Variants in ASTN2 observed in about 807,000 individuals in gnomAD.
ASTN2 encodes astrotactin-2.
ASTN2 carries 54 observed loss-of-function variants against 139.8 expected under a neutral mutation model. That is an observed-to-expected ratio of 0.39 (90% CI 0.31 to 0.48). The LOEUF is 0.48. Among genes scored for constraint, ASTN2 ranks in the 20% least tolerant of loss-of-function variants. The pLI, the probability that ASTN2 is intolerant of heterozygous loss-of-function variation, is 0.95. For synonymous variants in ASTN2, 756 were observed against 719.5 expected (o/e 1.05, Z -0.81); for missense variants, 1,565 against 1,725.1 (o/e 0.91, Z 1.64).
At chr9:116,507,991 C>A (rs1045360223) in intron 19 of ASTN2, among the ~76,000 whole-genome samples, 1 of 152,122 alleles carries the variant, frequency 6.6e-6, no homozygotes, top group Non-Finnish European at 1.5e-5. Flanking sequence ...TGGGTTCAGG[C>A]GGTTCTCCTG....
At chr9:117,018,974 C>G (rs1405318309) in intron 6 of ASTN2, among the ~76,000 whole-genome samples, 1 of 152,102 alleles carries the variant, frequency 6.6e-6, no homozygotes. Flanking sequence ...ATGCAGGCTA[C>G]CTGACTCTGA....
chr9:116,729,205 C>T (rs1186885656), intron 14 of ASTN2, 109 bp from the exon 15 acceptor site: 2 of 797,428 alleles, frequency 2.5e-6, no homozygotes, highest in South Asian at 1.8e-5. Context: ...CTTTGAAGTA[C>T]AACTTTCACT....
chr9:116,708,141 G>A (rs1422813503), intron 16 of ASTN2, among the ~76,000 whole-genome samples: 3 of 152,090 alleles, frequency 2.0e-5, no homozygotes, highest in Non-Finnish European at 4.4e-5. Flanking sequence ...AGTCTTTGAG[G>A]TTTGAAACCC....
intron 10 of ASTN2, among the ~76,000 whole-genome samples, chr9:116,884,122 T>C (rs529012586): frequency 6.6e-6 from 1 of 152,156 alleles, no homozygotes; most frequent in Admixed American, 6.5e-5. Context: ...AGTTCATCGT[T>C]AATAGAGATG....
Position 117,023,805 on chromosome 9 carries a change from T to C in ASTN2, c.1424-15546A>G, listed in dbSNP as rs377332425. On this transcript the variant is annotated intron_variant, in intron 6 of 22. Transcript: ENST00000313400. ...ATTTTCATAAGGATCTAATATTATA[T>C]GGATTTGCATTCTAGTGGTGAGGTT... Among the ~76,000 whole-genome samples the C allele has an allele frequency of 3.6e-4, 55 of 152,302 alleles. 1 individual carries two copies. The South Asian group carries it at 8.5e-3, about 24-fold the overall frequency.
Position 117,338,829 on chromosome 9 carries a change from C to T in ASTN2, c.443-47316G>A, listed in dbSNP as rs537559477. ...CCAACCTAATATCTTAACTTTCAGG[C>T]CTGGTCATCAAAACTCAACAGCACA... On this transcript the variant is annotated intron_variant, in intron 1 of 22. Transcript: ENST00000313400. Among the ~76,000 whole-genome samples the T allele has an allele frequency of 2.0e-5, 3 of 152,062 alleles. No individual in the cohort carries two copies. The East Asian group carries it at 5.8e-4, about 29-fold the overall frequency.
intron 19 of ASTN2, among the ~76,000 whole-genome samples, chr9:116,503,617 C>A (rs1453565468): frequency 2.0e-5 from 3 of 152,112 alleles, no homozygotes. Context: ...TCATACCTAA[C>A]CCTATGAGTT....
intron 5 of ASTN2, among the ~76,000 whole-genome samples, chr9:117,079,829 T>C (rs1828378668): frequency 6.6e-6 from 1 of 152,274 alleles, no homozygotes; most frequent in Non-Finnish European, 1.5e-5. Flanking sequence ...AGTCTCCTCC[T>C]GTATAAGTTA....
chr9:117,011,309 T>C (rs944517593), intron 6 of ASTN2, among the ~76,000 whole-genome samples: 2 of 152,022 alleles, frequency 1.3e-5, no homozygotes, highest in Admixed American at 1.3e-4. Context: ...GGAAGTGGAG[T>C]CTTTGGGAGG....
intron 10 of ASTN2, among the ~76,000 whole-genome samples, chr9:116,908,619 A>G (rs1459875125): frequency 6.6e-6 from 1 of 152,180 alleles, no homozygotes; most frequent in Admixed American, 6.5e-5. Flanking sequence ...TCCAGAAGGA[A>G]GACAAAATCA....
At chr9:116,914,681 A>C (rs1834397123) in intron 10 of ASTN2, among the ~76,000 whole-genome samples, 1 of 151,716 alleles carries the variant, frequency 6.6e-6, no homozygotes, top group Admixed American at 6.6e-5. Flanking sequence ...AGAGGATAGG[A>C]ATTTATGCCA....
chr9:116,565,388 C>CT (rs1564120372), intron 19 of ASTN2, among the ~76,000 whole-genome samples: 377 of 33,766 alleles, frequency 0.011, 8 homozygotes, highest in Admixed American at 0.016. Flanking sequence ...TCTCTCTCTC[C>CT]ATATATATAT....
chr9:117,059,639 C>G (rs1039093251), intron 5 of ASTN2, among the ~76,000 whole-genome samples: 1 of 151,886 alleles, frequency 6.6e-6, no homozygotes, highest in African/African-American at 2.4e-5. Context: ...AAAAAACAAA[C>G]AAACAAAAAC....
chr9:117,212,658 A>G (rs911367533), intron 3 of ASTN2, among the ~76,000 whole-genome samples: 16 of 152,224 alleles, frequency 1.1e-4, no homozygotes, highest in African/African-American at 3.4e-4. Flanking sequence ...CAAAAGACAT[A>G]CAAGTGACCA....
In ASTN2 at chr9:116,507,764, C is replaced by A. The variant is rs564121242; in HGVS notation, c.3356-20264G>T. On this transcript the variant is annotated intron_variant, in intron 19 of 22. Transcript: ENST00000313400. Reference sequence around the variant, plus strand: ...CTTTCTGTCCTTCTGCAAACTCGATCCTCAGGTCCCCATTTCATGTTCACA... The same window carrying A: ...CTTTCTGTCCTTCTGCAAACTCGATACTCAGGTCCCCATTTCATGTTCACA... Among the ~76,000 whole-genome samples the A allele has an allele frequency of 2.0e-5, 3 of 152,312 alleles. No homozygotes were observed. In the South Asian group the frequency reaches 6.2e-4, roughly 32 times the overall value.
chr9:117,016,639 T>C (rs1467121443), intron 6 of ASTN2, among the ~76,000 whole-genome samples: 2 of 21,930 alleles, frequency 9.1e-5, no homozygotes, highest in Admixed American at 7.0e-4. Context: ...TATATATATA[T>C]ATATATATAT....
At chr9:117,001,418 A>C (rs1040353394) in intron 7 of ASTN2, among the ~76,000 whole-genome samples, 2 of 152,148 alleles carry the variant, frequency 1.3e-5, no homozygotes, top group Admixed American at 6.5e-5. Context: ...AGGGAGTTAG[A>C]TGCTCTCCAA....
chr9:117,149,267 C>T (rs555123015), intron 3 of ASTN2, among the ~76,000 whole-genome samples: 1 of 152,272 alleles, frequency 6.6e-6, no homozygotes, highest in South Asian at 2.1e-4. Flanking sequence ...ATCCACCTGC[C>T]TCAGCCTCTC....
At chr9:117,040,685 C>T (rs1838537957) in intron 5 of ASTN2, among the ~76,000 whole-genome samples, 1 of 152,142 alleles carries the variant, frequency 6.6e-6, no homozygotes, top group Non-Finnish European at 1.5e-5. Context: ...TCTGGAACTC[C>T]TGACCACAGG....
Sources: gnomAD v4.1 joint callset for allele counts (sites outside exome capture counted in the v4.1 genomes callset) on GRCh38, gnomAD v4.1.1 for gene constraint, MANE v1.5 for transcripts, NCBI Gene and HGNC (gene_info 2026-07-23, HGNC 2026-07-21) for gene names.